SAMD12: variants seen among roughly 807,000 people sequenced by gnomAD.
The protein encoded by SAMD12 is sterile alpha motif domain containing 12, also known as sterile alpha motif domain-containing protein 12.
SAMD12 carries 9 observed loss-of-function variants against 15.0 expected under a neutral mutation model. The observed-to-expected ratio is 0.60, with a 90% CI of 0.36 to 1.05. The LOEUF (loss-of-function observed/expected upper bound fraction) is 1.05. SAMD12 is among the 50% of genes least tolerant of loss of function. SAMD12 has a pLI of 0.01. For missense variants in SAMD12, 230 were observed against 234.2 expected (o/e 0.98, Z 0.12); for synonymous variants, 86 against 90.1 (o/e 0.96, Z 0.25).
intron 4 of SAMD12, among the ~76,000 whole-genome samples, chr8:118,330,377 A>G (rs1816756853): frequency 6.6e-6 from 1 of 152,182 alleles, no homozygotes; most frequent in Non-Finnish European, 1.5e-5. Context: ...TATTATGTGA[A>G]TACATATCAT....
intron 3 of SAMD12, among the ~76,000 whole-genome samples, chr8:118,390,199 G>A (rs538220350): frequency 3.3e-5 from 5 of 152,112 alleles, no homozygotes; most frequent in South Asian, 2.1e-4. Context: ...TAGTAGAGAC[G>A]GGGTTTCACC....
intron 2 of SAMD12, among the ~76,000 whole-genome samples, chr8:118,577,666 C>T (rs1238367055): frequency 6.6e-6 from 1 of 152,136 alleles, no homozygotes; most frequent in African/African-American, 2.4e-5. Context: ...CAAATCGAAA[C>T]ATTAGTGTAA....
intron 3 of SAMD12, among the ~76,000 whole-genome samples, chr8:118,381,784 A>G (rs1490096871): frequency 6.6e-6 from 1 of 152,194 alleles, no homozygotes; most frequent in Non-Finnish European, 1.5e-5. Flanking sequence ...GATAAGTGTA[A>G]GACAATAAAT....
chr8:118,579,307 T>TG (rs1280964442), intron 2 of SAMD12, among the ~76,000 whole-genome samples: 3 of 152,194 alleles, frequency 2.0e-5, no homozygotes, highest in Non-Finnish European at 4.4e-5. Context: ...CGTTTTTTCC[T>TG]GGCTCTTTCA....
At chr8:118,364,752 G>A (rs1217156084) in intron 4 of SAMD12, among the ~76,000 whole-genome samples, 2 of 152,144 alleles carry the variant, frequency 1.3e-5, no homozygotes, top group East Asian at 3.9e-4. Flanking sequence ...GAATTTGGGG[G>A]AGGAGAATGT....
intron 2 of SAMD12, among the ~76,000 whole-genome samples, chr8:118,572,970 G>A (rs181838266): frequency 3.9e-5 from 6 of 152,232 alleles, no homozygotes; most frequent in African/African-American, 1.2e-4. Context: ...AAGATCTGAT[G>A]GTTTTATAAG....
the SAMD12 span, among the ~76,000 whole-genome samples, chr8:118,162,192 A>G: frequency 6.7e-6 from 1 of 148,286 alleles, no homozygotes; most frequent in East Asian, 2.0e-4. Context: ...GAAAGCAAAT[A>G]GTTGCTTGGG....
chr8:118,269,220 C>CTCTCTCTCTGTG (rs1299970707), intron 4 of SAMD12, among the ~76,000 whole-genome samples: 6 of 123,004 alleles, frequency 4.9e-5, no homozygotes, highest in African/African-American at 2.0e-4. Context: ...CTCTCTCTCT[C>CTCTCTCTCTGTG]TGTGTGTGTG....
chr8:118,483,087 C>A (rs1359760164), intron 2 of SAMD12, among the ~76,000 whole-genome samples: 1 of 152,058 alleles, frequency 6.6e-6, no homozygotes, highest in Admixed American at 6.6e-5. Context: ...TAGCTTTATG[C>A]AGAATATGAT....
At chr8:118,434,121 T>C (rs1317565599) in intron 3 of SAMD12, among the ~76,000 whole-genome samples, 1 of 152,158 alleles carries the variant, frequency 6.6e-6, no homozygotes, top group East Asian at 1.9e-4. Context: ...AAAAAGATAG[T>C]GATTTTCCCT....
rs57136694 is a variant in SAMD12, at chr8:118,281,990, A to C, written c.434-84258T>G. On this transcript the variant is annotated intron_variant, in intron 4 of 4. Coordinates refer to the SAMD12 transcript ENST00000409003. Reference sequence around the variant, plus strand: ...GCTTTCTGCAGAAATGAGCTCAATAACCACTGAAGACAGATGTTAATGATG... The same window carrying C: ...GCTTTCTGCAGAAATGAGCTCAATACCCACTGAAGACAGATGTTAATGATG... 1,735 of 259,862 alleles carry C rather than the reference A, an allele frequency of 6.7e-3. 59 individuals are homozygous for C. The highest frequency in any genetic ancestry group is 0.048 in the South Asian group (1,275 of 26,498). 16.1% of individuals were successfully genotyped at this position (259,862 alleles called of 1,614,324 possible).
chr8:118,561,395 C>T (rs772136618), intron 2 of SAMD12, among the ~76,000 whole-genome samples: 1 of 152,122 alleles, frequency 6.6e-6, no homozygotes, highest in Non-Finnish European at 1.5e-5. Context: ...TTATCATTTT[C>T]TTTATATTTG....
chr8:118,352,460 GA>G (rs558767794), intron 4 of SAMD12, among the ~76,000 whole-genome samples: 6 of 146,906 alleles, frequency 4.1e-5, no homozygotes, highest in East Asian at 2.0e-4. Flanking sequence ...AGGTGGTTCA[GA>G]AAAAAAAAAG....
At chr8:118,489,728 AG>A (rs1824387568) in intron 2 of SAMD12, among the ~76,000 whole-genome samples, 1 of 152,214 alleles carries the variant, frequency 6.6e-6, no homozygotes, top group Non-Finnish European at 1.5e-5. Flanking sequence ...AAACATTTTT[AG>A]CTCGTAATGT....
intron 4 of SAMD12, among the ~76,000 whole-genome samples, chr8:118,264,482 G>C (rs1391823699): frequency 1.3e-5 from 2 of 152,104 alleles, no homozygotes; most frequent in African/African-American, 4.8e-5. Context: ...GAGTCTTTGG[G>C]ATACTCAGAG....
chr8:118,327,232 A>T (rs190200111), intron 4 of SAMD12, among the ~76,000 whole-genome samples: 43 of 152,280 alleles, frequency 2.8e-4, no homozygotes, highest in Middle Eastern at 3.4e-3. Flanking sequence ...ACTGACAGAG[A>T]TCCAAATAAT....
At chr8:118,552,445 G>C (rs1299351664) in intron 2 of SAMD12, among the ~76,000 whole-genome samples, 1 of 152,186 alleles carries the variant, frequency 6.6e-6, no homozygotes, top group African/African-American at 2.4e-5. Context: ...TATCTCAATA[G>C]ATGCAGAAAA....
intron 4 of SAMD12, among the ~76,000 whole-genome samples, chr8:118,308,232 C>T (rs1051633624): frequency 3.3e-5 from 5 of 152,164 alleles, no homozygotes; most frequent in Non-Finnish European, 5.9e-5. Flanking sequence ...CTGATACAGG[C>T]TGTTTGGCTC....
intron 1 of SAMD12, among the ~76,000 whole-genome samples, chr8:118,618,179 T>A (rs1480202666): frequency 6.6e-6 from 1 of 151,980 alleles, no homozygotes; most frequent in African/African-American, 2.4e-5. Context: ...CTAGGAGACA[T>A]AAATAGGATG....
Sources: allele counts gnomAD v4.1 joint callset (sites outside exome capture counted in the v4.1 genomes callset), GRCh38; gene constraint gnomAD v4.1.1; transcripts MANE v1.5; gene names NCBI Gene and HGNC (gene_info 2026-07-23, HGNC 2026-07-21).